Variants in DMXL2 observed in about 807,000 individuals in gnomAD.
DMXL2 encodes dmX-like protein 2.
In DMXL2, 103 loss-of-function variants were observed where a neutral mutation model predicts 331.1. The ratio of observed to expected loss-of-function variants is 0.31; its 90% confidence interval spans 0.27 to 0.37. The LOEUF is 0.37. DMXL2 is among the 10% of genes least tolerant of loss of function. The probability of loss-of-function intolerance (pLI) is 1.00; values close to 1 mark genes in which losing one functional copy is unlikely to be tolerated. For missense variants in DMXL2, 3,171 were observed against 3,642.9 expected (o/e 0.87, Z 3.33); for synonymous variants, 1,281 against 1,252.1 (o/e 1.02, Z -0.49).
At chr15:51,506,294 C>T (rs868580507) in intron 16 of DMXL2, among the ~76,000 whole-genome samples, 1 of 152,192 alleles carries the variant, frequency 6.6e-6, no homozygotes, top group African/African-American at 2.4e-5. Context: ...AATTCCTGTG[C>T]TCAAGCAATC....
rs577074069 is a variant in DMXL2 at position 51,518,868 on chromosome 15, C to T, written c.2437-1701G>A. On this transcript the variant is annotated intron_variant, in intron 13 of 43. Coordinates refer to ENST00000560891, the MANE Select transcript of DMXL2 (RefSeq NM_001378457.1). ...ACAGAATCTCACTCAACATCACCTC[C>T]AACCAAGGAACTCATTTTATAGTGG... 6.6e-5 allele frequency among the ~76,000 whole-genome samples: 10 copies of T among 152,256 alleles called. No individual in the cohort carries two copies. In the East Asian group the frequency reaches 1.9e-3, roughly 29 times the overall value.
At chr15:51,543,190 T>C (rs2048698461) in intron 8 of DMXL2, among the ~76,000 whole-genome samples, 1 of 152,152 alleles carries the variant, frequency 6.6e-6, no homozygotes, top group African/African-American at 2.4e-5. Context: ...GCATTATCTT[T>C]TTTCTCCATA....
intron 1 of DMXL2, among the ~76,000 whole-genome samples, chr15:51,586,004 G>T (rs908704173): frequency 6.6e-6 from 1 of 152,184 alleles, no homozygotes; most frequent in African/African-American, 2.4e-5. Flanking sequence ...AAGCAGGGAA[G>T]GGGTAGCATT....
chr15:51,606,680 T>C (rs1277235159), intron 1 of DMXL2, among the ~76,000 whole-genome samples: 1 of 152,172 alleles, frequency 6.6e-6, no homozygotes, highest in Non-Finnish European at 1.5e-5. Context: ...AAAGTCTTTT[T>C]TCAAATACAC....
chr15:51,577,539 T>C (rs944464424), intron 1 of DMXL2, among the ~76,000 whole-genome samples: 1 of 152,212 alleles, frequency 6.6e-6, no homozygotes, highest in African/African-American at 2.4e-5. Flanking sequence ...CTTACATTCT[T>C]ATAGACAAGG....
chr15:51,608,168 G>C (rs1173076196), intron 1 of DMXL2, among the ~76,000 whole-genome samples: 1 of 148,472 alleles, frequency 6.7e-6, no homozygotes, highest in Non-Finnish European at 1.5e-5. Context: ...CTGGGCAACA[G>C]AGCAAGACTC....
intron 1 of DMXL2, among the ~76,000 whole-genome samples, chr15:51,587,978 T>C (rs2051987713): frequency 6.6e-6 from 1 of 152,186 alleles, no homozygotes; most frequent in African/African-American, 2.4e-5. Flanking sequence ...TTTTGAGAAG[T>C]GTCTGTTCAT....
intron 1 of DMXL2, 24 bp from the exon 2 acceptor site, chr15:51,576,205 T>TAAAAAAAAAAAAAAAAAAAAA (rs1209300859): frequency 1.4e-6 from 1 of 693,258 alleles, no homozygotes; most frequent in African/African-American, 3.8e-5. Context: ...AAAAAAAAAG[T>TAAAAAAAAAAAAAAAAAAAAA]TTTACAATAC....
At position 51,476,570 on chromosome 15, in the gene DMXL2, T is replaced by A. The variant is rs1431124426; in HGVS notation, c.6964+19A>T. 1.3e-6 allele frequency: 2 copies of A among 1,589,862 alleles called. No individual in the cohort carries two copies. The highest frequency in any genetic ancestry group is 1.4e-5 in the African/African-American group (1 of 73,046). ...TGCCAACTAGAAGATTTTTTTTTTT[T>A]AATCATTTAAATTCTCACCAGGCCA... is the stretch of plus-strand genomic sequence containing the variant. On this transcript the variant is annotated intron_variant, in intron 27 of 43. Coordinates refer to ENST00000560891, the MANE Select transcript of DMXL2 (RefSeq NM_001378457.1).
chr15:51,599,087 C>G (rs1229518570), intron 1 of DMXL2, among the ~76,000 whole-genome samples: 1 of 152,122 alleles, frequency 6.6e-6, no homozygotes, highest in Non-Finnish European at 1.5e-5. Context: ...GGGTTATAAT[C>G]CACTATCATT....
chr15:51,495,196 A>G (rs2043087884), intron 18 of DMXL2, 62 bp from the exon 19 acceptor site: 1 of 1,034,238 alleles, frequency 9.7e-7, no homozygotes, highest in Non-Finnish European at 1.5e-6. Context: ...CAAACTGATA[A>G]GCTATAAAAC....
chr15:51,542,187 T>C, intron 9 of DMXL2, 146 bp downstream of exon 9: 1 of 743,494 alleles, frequency 1.3e-6, no homozygotes, highest in Non-Finnish European at 2.1e-6. Flanking sequence ...ATTCAAAAAA[T>C]GGTACTTTAT....
At chr15:51,522,411 G>A (rs1276273417) in intron 13 of DMXL2, among the ~76,000 whole-genome samples, 1 of 152,178 alleles carries the variant, frequency 6.6e-6, no homozygotes, top group African/African-American at 2.4e-5. Flanking sequence ...TTGGGAGGCC[G>A]AGGCGGCTGG....
At chr15:51,560,681 A>G (rs1596262135) in intron 6 of DMXL2, among the ~76,000 whole-genome samples, 1 of 151,216 alleles carries the variant, frequency 6.6e-6, no homozygotes, top group African/African-American at 2.4e-5. Flanking sequence ...AAAAAAAAAA[A>G]AGAAAAGAAA....
rs139781500 is a variant in DMXL2, at chr15:51,509,939, G to A, written c.2645-2686C>T. 4.6e-3 allele frequency among the ~76,000 whole-genome samples: 697 copies of A among 152,234 alleles called. 5 individuals are homozygous for A. The highest frequency in any genetic ancestry group is 0.016 in the African/African-American group (662 of 41,538). The stretch of plus-strand genomic sequence containing the variant: ...ATAAATGTACTCCATCACGTAAACA[G>A]AACCAATGACAAAAACCACATGATT... On this transcript the variant is annotated intron_variant, in intron 15 of 43. Transcript: ENST00000560891.
intron 32 of DMXL2, 21 bp downstream of exon 32, chr15:51,464,654 G>A (rs1424710761): frequency 1.2e-6 from 2 of 1,603,912 alleles, no homozygotes; most frequent in African/African-American, 1.3e-5. Flanking sequence ...CTCTTTATCA[G>A]CATTATAAGA....
In DMXL2 at chr15:51,450,219, C is replaced by G. The variant is rs147864837; in HGVS notation, c.8877G>C (p.Thr2959=). 4.8e-5 allele frequency: 78 copies of G among 1,613,934 alleles called. No individual in the cohort carries two copies. Among genetic ancestry groups the G allele is most frequent in the Non-Finnish European group, 6.3e-5 (74 of 1,179,984 alleles). ...FDIRQRQLIH[T]FQAHDSAIKA... ...TAATAGCTGAGTCATGGGCCTGGAA[C>G]GTGTGAATGAGCTGCCTTTGCCTGA... Residue 2959 remains threonine (T), a synonymous_variant, in exon 43 of 44, where the codon ACG becomes ACC. Coordinates refer to ENST00000560891, the MANE Select transcript of DMXL2 (RefSeq NM_001378457.1).
intron 1 of DMXL2, among the ~76,000 whole-genome samples, chr15:51,592,254 G>C (rs765069717): frequency 6.6e-6 from 1 of 152,094 alleles, no homozygotes; most frequent in Non-Finnish European, 1.5e-5. Context: ...CAAGGCACAG[G>C]AACTACATGA....
chr15:51,530,064 A>G (rs984886394), intron 13 of DMXL2, among the ~76,000 whole-genome samples: 4 of 152,216 alleles, frequency 2.6e-5, no homozygotes, highest in African/African-American at 9.7e-5. Context: ...ACAGCCCTTC[A>G]TGATGAAAAC....
Sources: gnomAD v4.1 joint callset for allele counts (sites outside exome capture counted in the v4.1 genomes callset) on GRCh38, gnomAD v4.1.1 for gene constraint, MANE v1.5 for transcripts, NCBI Gene and HGNC (gene_info 2026-07-23, HGNC 2026-07-21) for gene names.